Variants in FAH observed in about 807,000 individuals in gnomAD.
FAH encodes fumarylacetoacetate hydrolase, also known as fumarylacetoacetase.
A neutral mutation model predicts 55.8 loss-of-function variants in FAH; 47 were observed. That is an observed-to-expected ratio of 0.84 (90% CI 0.67 to 1.07). The LOEUF is 1.07. Ranked by LOEUF, FAH falls within the 50% of genes least tolerant of loss-of-function variation. FAH has a pLI of 0.00. For synonymous variants in FAH, 199 were observed against 207.7 expected (o/e 0.96, Z 0.36); for missense variants, 495 against 545.9 (o/e 0.91, Z 0.93).
intron 1 of FAH, chr15:80,157,163 C>T (rs1209831781): frequency 3.9e-5 from 6 of 152,246 alleles, no homozygotes; most frequent in Non-Finnish European, 5.9e-5. Context: ...TCTGCTGGGA[C>T]CTCAGATGAG....
intron 6 of FAH, 41 bp from the exon 7 acceptor site, chr15:80,168,223 C>T (rs751242895): frequency 1.2e-6 from 2 of 1,608,752 alleles, no homozygotes; most frequent in Admixed American, 1.7e-5. Context: ...TGTGGCCTCA[C>T]TCACAGCACC....
chr15:80,163,909 A>G (rs1199665762), intron 5 of FAH, among the ~76,000 whole-genome samples: 1 of 152,244 alleles, frequency 6.6e-6, no homozygotes, highest in African/African-American at 2.4e-5. Context: ...TCTATTCACA[A>G]TATGAAATGT....
chr15:80,166,706 G>A (rs188861770), intron 5 of FAH, among the ~76,000 whole-genome samples: 3 of 139,440 alleles, frequency 2.2e-5, no homozygotes, highest in South Asian at 2.2e-4. Context: ...GCACCATCTC[G>A]GCTCACTGCA....
chr15:80,168,186 A>T, intron 6 of FAH, 37 bp downstream of exon 6: 1 of 1,610,046 alleles, frequency 6.2e-7, no homozygotes, highest in Non-Finnish European at 8.5e-7. Context: ...GCTGGTACCC[A>T]GCTCTCTGTT....
chr15:80,177,556 G>A lies in FAH; in HGVS notation c.933G>A (p.Ala311=), dbSNP rs375166793. Residue 311 remains alanine, a synonymous_variant, in exon 11 of 14, where the codon GCG becomes GCA. Transcript: ENST00000561421. ...VNLKGEGMSQ[A]ATICKSNFKY... Reference sequence around the variant, plus strand: ...CAACAGGAGAAGGAATGAGCCAGGCGGCTACCATATGCAAGTCCAATTTTA... The same window carrying A: ...CAACAGGAGAAGGAATGAGCCAGGCAGCTACCATATGCAAGTCCAATTTTA... 1.2e-5 allele frequency: 19 copies of A among 1,613,958 alleles called. No homozygotes were observed. Among genetic ancestry groups the A allele is most frequent in the South Asian group, 2.2e-5 (2 of 91,082 alleles).
At chr15:80,180,972 C>A in intron 12 of FAH, 70 bp from the exon 13 acceptor site, 1 of 1,308,488 alleles carries the variant, frequency 7.6e-7, no homozygotes, top group Non-Finnish European at 1.1e-6. Context: ...CCAGGTCTTG[C>A]TGAGCATGGT....
At chr15:80,170,775 T>C (rs1391370575) in intron 7 of FAH, among the ~76,000 whole-genome samples, 1 of 152,240 alleles carries the variant, frequency 6.6e-6, no homozygotes, top group Admixed American at 6.5e-5. Context: ...TTTTTTCATC[T>C]TGATGAAAAA....
At chr15:80,157,409 G>A (rs953086628) in intron 1 of FAH, 13 of 156,546 alleles carry the variant, frequency 8.3e-5, no homozygotes, top group Non-Finnish European at 2.8e-5. Flanking sequence ...TCTTGTTGAC[G>A]AGCAAAGCTC....
At chr15:80,164,861 A>G (rs1274667865) in intron 5 of FAH, among the ~76,000 whole-genome samples, 7 of 152,230 alleles carry the variant, frequency 4.6e-5, no homozygotes, top group African/African-American at 1.7e-4. Context: ...CGCTTCCTGT[A>G]CTTTGCTCCA....
chr15:80,177,425 G>T, intron 10 of FAH, 112 bp from the exon 11 acceptor site: 1 of 1,012,518 alleles, frequency 9.9e-7, no homozygotes, highest in Non-Finnish European at 1.5e-6. Flanking sequence ...CAGACTCTAA[G>T]TGAAATCATG....
intron 13 of FAH, among the ~76,000 whole-genome samples, chr15:80,181,684 C>T (rs1355919001): frequency 6.6e-6 from 1 of 152,186 alleles, no homozygotes; most frequent in East Asian, 1.9e-4. Flanking sequence ...AGGTCCCCCA[C>T]CAGCTGTGTG....
chr15:80,164,602 T>C (rs2041176584), intron 5 of FAH, among the ~76,000 whole-genome samples: 1 of 152,090 alleles, frequency 6.6e-6, no homozygotes, highest in Non-Finnish European at 1.5e-5. Context: ...CATAGGCCGG[T>C]ATGAGCATAG....
intron 9 of FAH, 179 bp downstream of exon 9, chr15:80,173,323 C>A (rs990465858): frequency 6.5e-6 from 5 of 768,830 alleles, no homozygotes; most frequent in African/African-American, 5.1e-5. Flanking sequence ...GCAGCCAGGG[C>A]ATCATTCTCC....
chr15:80,185,147 C>G (rs1164722499), intron 13 of FAH, among the ~76,000 whole-genome samples: 1 of 152,152 alleles, frequency 6.6e-6, no homozygotes, highest in Admixed American at 6.5e-5. Flanking sequence ...GAGAGATAAG[C>G]GTTGTTTTTC....
At chr15:80,172,276 A>G in intron 8 of FAH, 28 bp downstream of exon 8, 1 of 1,520,246 alleles carries the variant, frequency 6.6e-7, no homozygotes, top group Non-Finnish European at 9.1e-7. Flanking sequence ...GCTCCTGTAG[A>G]GATGACGGGG....
rs538233303 is a variant in FAH at position 80,170,527 on chromosome 15, C to A, written c.607-1622C>A. On this transcript the variant is annotated intron_variant, in intron 7 of 13. Coordinates refer to ENST00000561421, the MANE Select transcript of FAH (RefSeq NM_000137.4). ...ATTCCCTGCCAGCCCTCTGCCTCCT[C>A]CTGCCTTAGCAAGGGTACTATGTGA... is the stretch of plus-strand genomic sequence containing the variant. Among the ~76,000 whole-genome samples the A allele has an allele frequency of 3.9e-5, 6 of 152,370 alleles. No individual in the cohort carries two copies. The East Asian group carries it at 1.2e-3, about 29-fold the overall frequency.
At chr15:80,182,053 A>C (rs2041335706) in intron 13 of FAH, among the ~76,000 whole-genome samples, 1 of 152,222 alleles carries the variant, frequency 6.6e-6, no homozygotes, top group South Asian at 2.1e-4. Flanking sequence ...TCGTGTTGGC[A>C]GTGCCATGTT....
intron 8 of FAH, 31 bp downstream of exon 8, chr15:80,172,279 T>G (rs1224560621): frequency 6.6e-7 from 1 of 1,521,534 alleles, no homozygotes; most frequent in Non-Finnish European, 9.1e-7. Context: ...CCTGTAGAGA[T>G]GACGGGGAGG....
intron 13 of FAH, 69 bp from the exon 14 acceptor site, chr15:80,186,061 C>T (rs193244963): frequency 4.8e-5 from 61 of 1,279,612 alleles, no homozygotes; most frequent in South Asian, 5.9e-5. Flanking sequence ...CGGGCACTGC[C>T]GCTGCCTAGG....
Sources: gnomAD v4.1 joint callset for allele counts (sites outside exome capture counted in the v4.1 genomes callset) on GRCh38, gnomAD v4.1.1 for gene constraint, MANE v1.5 for transcripts, NCBI Gene and HGNC (gene_info 2026-07-23, HGNC 2026-07-21) for gene names.